Variants in C19orf44 observed in about 807,000 individuals in gnomAD.
C19orf44 encodes uncharacterized protein C19orf44.
A neutral mutation model predicts 50.7 loss-of-function variants in C19orf44; 43 were observed. The ratio of observed to expected loss-of-function variants is 0.85; its 90% CI spans 0.66 to 1.09. The LOEUF (loss-of-function observed/expected upper bound fraction) is 1.09. Ranked by LOEUF, C19orf44 falls within the 50% of genes least tolerant of loss-of-function variation. The pLI, the probability that C19orf44 is intolerant of heterozygous loss-of-function variation, is 0.00. For missense variants in C19orf44, 722 were observed against 836.2 expected, an observed-to-expected ratio of 0.86 and a Z score of 1.68; for synonymous variants, 298 against 334.7, an observed-to-expected ratio of 0.89 and a Z score of 1.20.
At chr19:16,513,207 T>C (rs2093462773) in intron 6 of C19orf44, 98 bp downstream of exon 6, 1 of 1,232,356 alleles carries the variant, frequency 8.1e-7, no homozygotes. Flanking sequence ...ACCCCTTGCA[T>C]GCTGGCTTCC....
rs2085592128 is a variant in C19orf44, at chr19:16,519,880, A to G, written c.*41-214A>G. ...CCCGTTTATCCTGTCTCAGCTAGAT[A>G]AGGGGGCTCCAGACGCTGGCCCCCA... On this transcript the variant is annotated intron_variant, in intron 8 of 8. Coordinates refer to ENST00000221671, the MANE Select transcript of C19orf44 (RefSeq NM_032207.4). The surrounding 1 kb of genome is among the most constrained non-coding windows in gnomAD (Gnocchi z 6.0). The G allele has an allele frequency of 5.7e-6, 4 of 703,030 alleles. No homozygotes were observed. The Admixed American group carries it at 9.4e-5, about 16-fold the overall frequency. 43.5% of individuals were successfully genotyped at this position (703,030 alleles called of 1,614,324 possible).
chr19:16,516,528 G>A (rs2093472677), intron 7 of C19orf44, among the ~76,000 whole-genome samples: 1 of 152,156 alleles, frequency 6.6e-6, no homozygotes, highest in Non-Finnish European at 1.5e-5. Context: ...GTTCCGATTT[G>A]GTAATTCGGA....
chr19:16,515,563 C>T (rs1200074383), intron 7 of C19orf44, among the ~76,000 whole-genome samples: 1 of 151,744 alleles, frequency 6.6e-6, no homozygotes, highest in Non-Finnish European at 1.5e-5. Context: ...GAGTTTTGCT[C>T]TTGTTGCCCA....
Position 16,519,625 on chromosome 19 carries a change from C to T in C19orf44, c.*41-469C>T. On this transcript the variant is annotated intron_variant, in intron 8 of 8. Transcript: ENST00000221671. The surrounding 1 kb of genome is among the most constrained non-coding windows in gnomAD (Gnocchi z 6.0). Reference sequence around the variant, plus strand: ...CTCCCCATTCCCTCGCCTTACCCATCTTCACCAGCATCTGATGGCCTTTGT... The same window carrying T: ...CTCCCCATTCCCTCGCCTTACCCATTTTCACCAGCATCTGATGGCCTTTGT... 1 of 1,613,986 alleles carries T rather than the reference C, an allele frequency of 6.2e-7. No individual in the cohort carries two copies.
In C19orf44 at chr19:16,509,853, T is replaced by C; in HGVS notation, c.1504T>C (p.Ser502Pro). Residue 502 changes from serine to proline, a missense_variant, in exon 5 of 9, where the codon TCT (serine) becomes CCT (proline). Coordinates refer to ENST00000221671, the MANE Select transcript of C19orf44 (RefSeq NM_032207.4). ...DRTLDALSES[S>P]SSVKTDLPQT... The stretch of plus-strand genomic sequence containing the variant: ...AACACTGGACGCTTTGTCTGAATCC[T>C]CTTCAAGTGTGAAGACAGACCTTCC... 1 of 1,614,248 alleles carries C rather than the reference T, an allele frequency of 6.2e-7. No homozygotes were observed. The highest frequency in any genetic ancestry group is 8.5e-7 in the Non-Finnish European group (1 of 1,180,042).
intron 6 of C19orf44, 110 bp downstream of exon 6, chr19:16,513,219 G>A (rs548182866): frequency 2.9e-6 from 3 of 1,043,438 alleles, no homozygotes; most frequent in African/African-American, 3.1e-5. Flanking sequence ...CTGGCTTCCA[G>A]GGGTCCATTG....
chr19:16,498,731 C>G (rs147995501), intron 1 of C19orf44, among the ~76,000 whole-genome samples: 1 of 151,410 alleles, frequency 6.6e-6, no homozygotes, highest in Non-Finnish European at 1.5e-5. Context: ...AGTGCAATGG[C>G]GCGATCTCGG....
At chr19:16,517,906 G>A (rs941156464) in intron 8 of C19orf44, 2 of 152,264 alleles carry the variant, frequency 1.3e-5, no homozygotes, top group African/African-American at 2.4e-5. Context: ...TTTAAAAAAA[G>A]GCTTTATTTG....
rs1216794724 is a variant in C19orf44 at position 16,521,036 on chromosome 19, G to C, written c.*983G>C. ...ACATGGCCCTGTGGCTGTGGGCTCC[G>C]AGCATGGGCGCAGTAGAGCTTGGTT... On this transcript the variant is annotated 3_prime_UTR_variant, in exon 9 of 9. Transcript: ENST00000221671. 6.2e-6 allele frequency: 5 copies of C among 805,562 alleles called. No homozygotes were observed. The highest frequency in any genetic ancestry group is 1.1e-5 in the Non-Finnish European group (5 of 475,118). 49.9% of individuals were successfully genotyped at this position (805,562 alleles called of 1,614,324 possible).
At chr19:16,496,898 C>T (rs1310341850) in intron 1 of C19orf44, among the ~76,000 whole-genome samples, 2 of 151,984 alleles carry the variant, frequency 1.3e-5, no homozygotes, top group Non-Finnish European at 2.9e-5. Flanking sequence ...GAGGCAGAGG[C>T]GGGAGGATCA....
Position 16,519,750 on chromosome 19 carries a change from A to G in C19orf44, c.*41-344A>G. ...AGACAGGTTATTCTTTTTAAGAAGT[A>G]ACTGAGACATTTATTGGAATGACAG... On this transcript the variant is annotated intron_variant, in intron 8 of 8. Coordinates refer to ENST00000221671, the MANE Select transcript of C19orf44 (RefSeq NM_032207.4). This position sits in a 1 kb window ranked among gnomAD's most constrained non-coding sequence, Gnocchi z 6.0. The G allele has an allele frequency of 6.5e-7, 1 of 1,539,790 alleles. No homozygotes were observed. The highest frequency in any genetic ancestry group is 9.0e-7 in the Non-Finnish European group (1 of 1,112,628).
At chr19:16,513,487 G>A (rs1345126142) in intron 6 of C19orf44, among the ~76,000 whole-genome samples, 3 of 152,068 alleles carry the variant, frequency 2.0e-5, no homozygotes, top group African/African-American at 7.2e-5. Flanking sequence ...GGGTTCAAGC[G>A]ATTCTCCTGC....
At chr19:16,512,466 G>A (rs529798871) in intron 5 of C19orf44, among the ~76,000 whole-genome samples, 2 of 152,208 alleles carry the variant, frequency 1.3e-5, no homozygotes, top group South Asian at 4.2e-4. Flanking sequence ...TGCAGCCACC[G>A]TGAGCCGGAG....
rs764554033 is a variant in C19orf44 at position 16,513,147 on chromosome 19, T to G, written c.1735+38T>G. On this transcript the variant is annotated intron_variant, in intron 6 of 8. Coordinates refer to ENST00000221671, the MANE Select transcript of C19orf44 (RefSeq NM_032207.4). ...CTCGGGGGATCCTTCCTGTCACATT[T>G]TACAGGACTCATTTCACCTGCAGAT... 4 of 1,597,656 alleles carry G rather than the reference T, an allele frequency of 2.5e-6. No individual in the cohort carries two copies. In the East Asian group the frequency reaches 9.0e-5, roughly 36 times the overall value.
chr19:16,503,761 C>T (rs1257482103), intron 3 of C19orf44, among the ~76,000 whole-genome samples: 1 of 152,022 alleles, frequency 6.6e-6, no homozygotes, highest in Non-Finnish European at 1.5e-5. Flanking sequence ...GACCAGGTTT[C>T]ACCATGTTGT....
At chr19:16,505,706 G>A (rs1049683602) in intron 3 of C19orf44, among the ~76,000 whole-genome samples, 1 of 151,892 alleles carries the variant, frequency 6.6e-6, no homozygotes, top group Admixed American at 6.6e-5. Flanking sequence ...TTTTTGAGAC[G>A]GAGCCTTGCT....
Position 16,519,136 on chromosome 19 carries a change from G to T in C19orf44, c.*41-958G>T. ...CCCACAGCCGGCACCGCTGGCCACC[G>T]GCGCGGCTCCCGGCATGGGCGCCTA... On this transcript the variant is annotated intron_variant, in intron 8 of 8. Transcript: ENST00000221671. This position sits in a 1 kb window ranked among gnomAD's most constrained non-coding sequence, Gnocchi z 6.0. 2 of 1,602,720 alleles carry T rather than the reference G, an allele frequency of 1.2e-6. No individual in the cohort carries two copies. Among genetic ancestry groups the T allele is most frequent in the East Asian group, 2.2e-5 (1 of 44,492 alleles).
At position 16,520,149 on chromosome 19, in the gene C19orf44, G is replaced by A. The variant is rs749346192; in HGVS notation, c.*96G>A. On this transcript the variant is annotated 3_prime_UTR_variant, in exon 9 of 9. Transcript: ENST00000221671. The surrounding 1 kb of genome is among the most constrained non-coding windows in gnomAD (Gnocchi z 4.0). ...CGCAGCACTTAAGACAGGATCTTACGGCGGGGTGGGGCTCCTGGACCGTGA... is the reference window on the plus strand; with the variant it reads ...CGCAGCACTTAAGACAGGATCTTACAGCGGGGTGGGGCTCCTGGACCGTGA... The A allele has an allele frequency of 9.3e-6, 15 of 1,610,152 alleles. No homozygotes were observed. The highest frequency in any genetic ancestry group is 1.3e-5 in the African/African-American group (1 of 74,904).
chr19:16,517,674 C>T (rs1467139983), intron 8 of C19orf44, among the ~76,000 whole-genome samples: 1 of 151,148 alleles, frequency 6.6e-6, no homozygotes, highest in Non-Finnish European at 1.5e-5. Flanking sequence ...AGCAGCTCCA[C>T]CCAGGCAGGT....
Sources: gnomAD v4.1 joint callset for allele counts (sites outside exome capture counted in the v4.1 genomes callset) on GRCh38, gnomAD v4.1.1 for gene constraint, Gnocchi (gnomAD v3.1) non-coding constraint, MANE v1.5 for transcripts, NCBI Gene and HGNC (gene_info 2026-07-23, HGNC 2026-07-21) for gene names.